Variants in GPC6 observed in about 807,000 individuals in gnomAD.
The protein encoded by GPC6 is glypican-6.
In GPC6, 14 loss-of-function variants were observed where a neutral mutation model predicts 55.2. That is an observed-to-expected ratio of 0.25 (90% CI 0.17 to 0.40). The LOEUF (loss-of-function observed/expected upper bound fraction) is 0.40. Ranked by LOEUF, GPC6 falls within the 10% of genes least tolerant of loss-of-function variation. The probability of loss-of-function intolerance (pLI) is 1.00; values close to 1 mark genes in which losing one functional copy is unlikely to be tolerated. For missense variants in GPC6, 641 were observed against 708.5 expected (o/e 0.90, Z 1.08); for synonymous variants, 278 against 259.6 (o/e 1.07, Z -0.68).
intron 4 of GPC6, among the ~76,000 whole-genome samples, chr13:94,035,427 T>C (rs1466444416): frequency 6.6e-6 from 1 of 152,044 alleles, no homozygotes; most frequent in Non-Finnish European, 1.5e-5. Flanking sequence ...GAAGAAATTA[T>C]TGTGATGTAG....
At chr13:94,053,209 G>A (rs761746539) in intron 4 of GPC6, among the ~76,000 whole-genome samples, 3 of 152,022 alleles carry the variant, frequency 2.0e-5, no homozygotes, top group Non-Finnish European at 4.4e-5. Flanking sequence ...AATGACTTTC[G>A]GGGGATACGT....
At chr13:93,852,002 A>G (rs902435940) in intron 3 of GPC6, among the ~76,000 whole-genome samples, 3 of 151,820 alleles carry the variant, frequency 2.0e-5, no homozygotes, top group Non-Finnish European at 4.4e-5. Flanking sequence ...ATAGTCTATA[A>G]TATCACAGTT....
intron 4 of GPC6, among the ~76,000 whole-genome samples, chr13:94,102,031 A>G (rs10162061): frequency 0.044 from 6,700 of 152,194 alleles, 506 homozygotes; most frequent in African/African-American, 0.15. Context: ...AAAATGATTC[A>G]TTTGAAGCAT....
intron 4 of GPC6, among the ~76,000 whole-genome samples, chr13:94,219,987 C>T (rs186591767): frequency 1.3e-5 from 2 of 152,042 alleles, no homozygotes; most frequent in East Asian, 1.9e-4. Flanking sequence ...ATTGCGCATG[C>T]CTGAACCACA....
At chr13:94,319,574 A>G (rs1876713421) in intron 6 of GPC6, among the ~76,000 whole-genome samples, 1 of 152,200 alleles carries the variant, frequency 6.6e-6, no homozygotes, top group Non-Finnish European at 1.5e-5. Flanking sequence ...TTGGTCTGGA[A>G]TACACATTAT....
intron 3 of GPC6, among the ~76,000 whole-genome samples, chr13:93,839,061 G>T (rs1249866867): frequency 6.6e-6 from 1 of 152,122 alleles, no homozygotes; most frequent in Non-Finnish European, 1.5e-5. Flanking sequence ...GAGAATTCAA[G>T]AAATAGACTA....
chr13:93,991,442 T>C (rs1881302558), intron 3 of GPC6, among the ~76,000 whole-genome samples: 1 of 152,148 alleles, frequency 6.6e-6, no homozygotes, highest in Non-Finnish European at 1.5e-5. Context: ...TTATCCTTTG[T>C]TTGAGAGTAG....
chr13:93,503,254 C>T (rs946804317), intron 1 of GPC6, among the ~76,000 whole-genome samples: 1 of 152,140 alleles, frequency 6.6e-6, no homozygotes. Context: ...ATGACAAATA[C>T]TGCACATCTT....
intron 3 of GPC6, among the ~76,000 whole-genome samples, chr13:93,839,618 T>C (rs2138995350): frequency 6.6e-6 from 1 of 152,266 alleles, no homozygotes; most frequent in East Asian, 1.9e-4. Context: ...CACTTACACA[T>C]GTACAAGTGA....
At chr13:93,444,544 T>TTGCA (rs1192609009) in intron 1 of GPC6, among the ~76,000 whole-genome samples, 1 of 151,878 alleles carries the variant, frequency 6.6e-6, no homozygotes, top group Non-Finnish European at 1.5e-5. Flanking sequence ...GAAGCGGAGG[T>TTGCA]TGCAGTAAGC....
Position 94,180,878 on chromosome 13 carries a change from C to CAGAGAG in GPC6, c.878-105456_878-105451dup, listed in dbSNP as rs71272207. ...TACGTGTGTATAAGAGAGACACACA[C>CAGAGAG]AGAGAGAGAGAGAGAGAGAGGGAGA... On this transcript the variant is annotated intron_variant, in intron 4 of 8. Transcript: ENST00000377047. Among the ~76,000 whole-genome samples the CAGAGAG allele has an allele frequency of 6.3e-4, 94 of 149,658 alleles. 3 individuals carry two copies. Among genetic ancestry groups the CAGAGAG allele is most frequent in the Admixed American group, 6.0e-4 (9 of 15,080 alleles).
chr13:93,599,819 A>G (rs916129979), intron 2 of GPC6, among the ~76,000 whole-genome samples: 8 of 152,234 alleles, frequency 5.3e-5, no homozygotes, highest in African/African-American at 1.9e-4. Flanking sequence ...CATTTAAAAA[A>G]TAATCCTCAT....
At chr13:93,950,851 C>A (rs1879222992) in intron 3 of GPC6, among the ~76,000 whole-genome samples, 1 of 151,782 alleles carries the variant, frequency 6.6e-6, no homozygotes, top group Admixed American at 6.6e-5. Flanking sequence ...AAAGGAGAAA[C>A]CACAAGTTCT....
intron 6 of GPC6, among the ~76,000 whole-genome samples, chr13:94,331,869 T>G (rs926219476): frequency 9.9e-5 from 15 of 152,210 alleles, no homozygotes; most frequent in African/African-American, 3.1e-4. Flanking sequence ...AATATAGATA[T>G]TAAGCCAATT....
At chr13:94,358,760 A>C (rs1230089773) in intron 6 of GPC6, among the ~76,000 whole-genome samples, 1 of 152,176 alleles carries the variant, frequency 6.6e-6, no homozygotes, top group African/African-American at 2.4e-5. Flanking sequence ...TTGATCAGGG[A>C]AAAGCTCTTT....
At chr13:94,056,863 A>G (rs919730410) in intron 4 of GPC6, among the ~76,000 whole-genome samples, 2 of 152,238 alleles carry the variant, frequency 1.3e-5, no homozygotes, top group African/African-American at 2.4e-5. Flanking sequence ...ATTATTCATG[A>G]TAAGACAGAA....
chr13:93,250,603 T>C (rs1876755395), intron 1 of GPC6, among the ~76,000 whole-genome samples: 1 of 152,090 alleles, frequency 6.6e-6, no homozygotes, highest in African/African-American at 2.4e-5. Context: ...TCTGAGTTCT[T>C]CCCAGGAGGG....
In GPC6 at chr13:93,377,540, G is replaced by A. The variant is rs528191743; in HGVS notation, c.160+149924G>A. On this transcript the variant is annotated intron_variant, in intron 1 of 8. Coordinates refer to ENST00000377047, the MANE Select transcript of GPC6 (RefSeq NM_005708.5). ...AGGACGTTGGTCTTGTTTGAAAAAC[G>A]TTGATAAAACAAAAAGAAGTCCACT... Among the ~76,000 whole-genome samples, 7 of 152,282 alleles carry A rather than the reference G, an allele frequency of 4.6e-5. No homozygotes were observed. In the East Asian group the frequency reaches 5.8e-4, roughly 13 times the overall value.
At chr13:93,762,107 A>G (rs925861514) in intron 2 of GPC6, among the ~76,000 whole-genome samples, 5 of 152,060 alleles carry the variant, frequency 3.3e-5, no homozygotes, top group Non-Finnish European at 7.4e-5. Flanking sequence ...TACACCCCAC[A>G]CATAAGTGAG....
Sources: allele counts gnomAD v4.1 joint callset (sites outside exome capture counted in the v4.1 genomes callset), GRCh38; gene constraint gnomAD v4.1.1; transcripts MANE v1.5; gene names NCBI Gene and HGNC (gene_info 2026-07-23, HGNC 2026-07-21).